The following PYY variants were observed in gnomAD, a reference collection of about 807,000 sequenced individuals.
The protein encoded by PYY is peptide YY, also known as peptide tyrosine tyrosine.
A neutral mutation model predicts 10.3 loss-of-function variants in PYY; 12 were observed. The ratio of observed to expected loss-of-function variants is 1.17; its 90% confidence interval spans 0.75 to 1.89. PYY has a LOEUF of 1.89. Among genes scored for constraint, PYY ranks in the 40% most tolerant of loss-of-function variants. The pLI is 0.00. For missense variants in PYY, 141 were observed against 134.0 expected (o/e 1.05, Z -0.26); for synonymous variants, 66 against 62.0 (o/e 1.06, Z -0.30).
At chr17:43,961,893 A>G (rs1343349372) in intron 2 of PYY, among the ~76,000 whole-genome samples, 2 of 151,928 alleles carry the variant, frequency 1.3e-5, no homozygotes, top group African/African-American at 4.8e-5. Flanking sequence ...AAACTCAGCT[A>G]TCTCTTACCA....
chr17:43,967,886 G>A (rs143982849), intron 1 of PYY, among the ~76,000 whole-genome samples: 10 of 152,282 alleles, frequency 6.6e-5, no homozygotes, highest in African/African-American at 2.2e-4. Context: ...CTGGGGCTAC[G>A]AGAGGGATCA....
intron 1 of PYY, among the ~76,000 whole-genome samples, chr17:43,994,348 C>T (rs1385614114): frequency 6.6e-6 from 1 of 152,100 alleles, no homozygotes; most frequent in Non-Finnish European, 1.5e-5. Flanking sequence ...CTACACCCCA[C>T]CCCTGGCCTC....
chr17:44,002,703 T>G (rs55764911), intron 1 of PYY, among the ~76,000 whole-genome samples: 22,281 of 152,292 alleles, frequency 0.15, 2,046 homozygotes, highest in Non-Finnish European at 0.2. Flanking sequence ...CTCCACGGCT[T>G]GTGAGCTGAG....
intron 1 of PYY, among the ~76,000 whole-genome samples, chr17:43,969,008 T>C (rs2048771989): frequency 6.6e-6 from 1 of 151,396 alleles, no homozygotes; most frequent in African/African-American, 2.4e-5. Flanking sequence ...CTCAGGTGGC[T>C]GAGACAGGAA....
intron 1 of PYY, among the ~76,000 whole-genome samples, chr17:43,990,552 T>G (rs2048950165): frequency 1.3e-5 from 2 of 151,972 alleles, no homozygotes; most frequent in African/African-American, 4.8e-5. Context: ...TGCTGAAATA[T>G]TACTTCTAAT....
At chr17:43,964,457 A>G (rs2048740348) in intron 2 of PYY, among the ~76,000 whole-genome samples, 1 of 152,256 alleles carries the variant, frequency 6.6e-6, no homozygotes, top group Admixed American at 6.5e-5. Flanking sequence ...TCAGTTATGT[A>G]GAACTAATGC....
rs1186505629 is a variant in PYY, at chr17:43,963,636, G to A, written c.-218+2652C>T. On this transcript the variant is annotated intron_variant, in intron 2 of 6. Transcript: ENST00000360085. ...AAAGAAAGAAAGAAAGAGAAAGAAAGAAAAGAGAGAACAGAGAGAAAAGAA... is the reference window on the plus strand; with the variant it reads ...AAAGAAAGAAAGAAAGAGAAAGAAAAAAAAGAGAGAACAGAGAGAAAAGAA... Among the ~76,000 whole-genome samples, 5 of 149,026 alleles carry A rather than the reference G, an allele frequency of 3.4e-5. No individual in the cohort carries two copies. In the Admixed American group the frequency reaches 3.4e-4, roughly 10 times the overall value.
At chr17:43,981,872 C>T (rs2048885864) in intron 1 of PYY, among the ~76,000 whole-genome samples, 1 of 147,420 alleles carries the variant, frequency 6.8e-6, no homozygotes, top group African/African-American at 2.5e-5. Context: ...TTGAATTGTC[C>T]ACCTTTTCTT....
chr17:43,976,318 CAT>C (rs1409073450), intron 1 of PYY, among the ~76,000 whole-genome samples: 1 of 149,744 alleles, frequency 6.7e-6, no homozygotes, highest in Non-Finnish European at 1.5e-5. Flanking sequence ...CGTATATACA[CAT>C]ATACATGTAT....
chr17:43,953,798 T>G, intron 1 of PYY, 52 bp downstream of exon 1: 6 of 234,552 alleles, frequency 2.6e-5, no homozygotes, highest in Non-Finnish European at 3.3e-5. Flanking sequence ...CAGCCTCAGT[T>G]TCCCCACAAA....
At chr17:43,991,431 CAAAT>C (rs930673294) in intron 1 of PYY, among the ~76,000 whole-genome samples, 12 of 151,424 alleles carry the variant, frequency 7.9e-5, no homozygotes, top group Admixed American at 7.2e-4. Flanking sequence ...AATTCCATCT[CAAAT>C]AAATAAATAA....
upstream of PYY, among the ~76,000 whole-genome samples, chr17:43,955,275 G>A (rs2048664694): frequency 6.6e-6 from 1 of 152,190 alleles, no homozygotes; most frequent in African/African-American, 2.4e-5. Flanking sequence ...CAGACCTCCA[G>A]TACTTCCAGA....
intron 1 of PYY, among the ~76,000 whole-genome samples, chr17:43,976,529 T>C (rs1035929399): frequency 1.3e-5 from 2 of 151,964 alleles, no homozygotes; most frequent in Admixed American, 6.6e-5. Context: ...CCCAGCACTT[T>C]GGGAGGCTGA....
intron 2 of PYY, among the ~76,000 whole-genome samples, chr17:43,962,169 G>A (rs544042460): frequency 3.2e-4 from 48 of 152,150 alleles, no homozygotes; most frequent in African/African-American, 1.1e-3. Context: ...ACTAAGTTCC[G>A]GCCAATGGAT....
At chr17:43,988,318 C>T (rs959615818) in intron 1 of PYY, among the ~76,000 whole-genome samples, 2 of 152,164 alleles carry the variant, frequency 1.3e-5, no homozygotes, top group Non-Finnish European at 2.9e-5. Flanking sequence ...GGGAGCTTTA[C>T]GAGCGTAAAA....
intron 1 of PYY, among the ~76,000 whole-genome samples, chr17:43,988,437 CT>C (rs2048929110): frequency 6.6e-6 from 1 of 152,176 alleles, no homozygotes; most frequent in South Asian, 2.1e-4. Context: ...GACCACCTCG[CT>C]TTGCCAGGCT....
At chr17:43,973,972 C>T (rs749844144) in intron 1 of PYY, among the ~76,000 whole-genome samples, 8 of 152,058 alleles carry the variant, frequency 5.3e-5, no homozygotes, top group Non-Finnish European at 8.8e-5. Context: ...AGACCTCTTC[C>T]TTGTCTGTGC....
intron 1 of PYY, among the ~76,000 whole-genome samples, chr17:43,975,551 A>AAAAAT (rs778460805): frequency 2.6e-5 from 4 of 151,678 alleles, no homozygotes; most frequent in Non-Finnish European, 5.9e-5. Context: ...TACTAAAAAT[A>AAAAAT]AAAATAAAAT....
At chr17:43,980,156 C>CTCT (rs2048872976) in intron 1 of PYY, among the ~76,000 whole-genome samples, 6 of 100,622 alleles carry the variant, frequency 6.0e-5, no homozygotes, top group African/African-American at 2.2e-4. Context: ...TCCCCTCCAC[C>CTCT]TTTTTTTTTT....
Sources: allele counts gnomAD v4.1 joint callset (sites outside exome capture counted in the v4.1 genomes callset), GRCh38; gene constraint gnomAD v4.1.1; transcripts MANE v1.5; gene names NCBI Gene and HGNC (gene_info 2026-07-23, HGNC 2026-07-21).